The following QTMAN variants were observed in gnomAD, a reference collection of about 807,000 sequenced individuals.
QTMAN encodes the protein queuosine-tRNA mannosyltransferase, also known as tRNA-queuosine alpha-mannosyltransferase.
chr2:144,130,152 C>A, the QTMAN span, among the ~76,000 whole-genome samples: 2 of 151,418 alleles, frequency 1.3e-5, no homozygotes, highest in African/African-American at 4.8e-5. Context: ...CCAGCCACCC[C>A]CACAGGGGAA....
At chr2:144,026,073 A>G in the QTMAN span, among the ~76,000 whole-genome samples, 6 of 152,054 alleles carry the variant, frequency 3.9e-5, no homozygotes, top group Non-Finnish European at 8.8e-5. Context: ...TCTCCTTCCT[A>G]CATTATAATC....
the QTMAN span, among the ~76,000 whole-genome samples, chr2:144,065,023 T>C: frequency 1.3e-5 from 2 of 152,330 alleles, 1 homozygote; most frequent in South Asian, 4.1e-4. Flanking sequence ...AAGAATGCAC[T>C]GACATGATGG....
chr2:144,182,982 A>G, the QTMAN span, among the ~76,000 whole-genome samples: 1 of 141,240 alleles, frequency 7.1e-6, no homozygotes, highest in East Asian at 2.0e-4. Flanking sequence ...TGAAACAATT[A>G]TTAAGCAATA....
the QTMAN span, among the ~76,000 whole-genome samples, chr2:144,303,945 C>G: frequency 6.6e-6 from 1 of 152,084 alleles, no homozygotes; most frequent in Non-Finnish European, 1.5e-5. Context: ...TTTTAGGAAG[C>G]CTGAGGTAGC....
At chr2:144,167,556 G>A in the QTMAN span, among the ~76,000 whole-genome samples, 1 of 152,076 alleles carries the variant, frequency 6.6e-6, no homozygotes, top group Admixed American at 6.6e-5. Context: ...TGCTGTTCTC[G>A]TGATAATGAG....
the QTMAN span, among the ~76,000 whole-genome samples, chr2:144,036,833 T>C: frequency 6.6e-6 from 1 of 152,174 alleles, no homozygotes. Flanking sequence ...TAATCAAAGG[T>C]AGTATGTTCA....
the QTMAN span, among the ~76,000 whole-genome samples, chr2:144,087,308 T>C: frequency 6.6e-6 from 1 of 152,120 alleles, no homozygotes; most frequent in Non-Finnish European, 1.5e-5. Context: ...CAAAATTAGT[T>C]TGTAGTTAAA....
At chr2:144,007,655 T>C in the QTMAN span, 2 of 659,674 alleles carry the variant, frequency 3.0e-6, no homozygotes, top group African/African-American at 1.9e-5. Flanking sequence ...AAAGATGTTA[T>C]ACAAAAATTC....
the QTMAN span, among the ~76,000 whole-genome samples, chr2:144,029,232 C>G: frequency 6.6e-6 from 1 of 152,308 alleles, no homozygotes; most frequent in African/African-American, 2.4e-5. Flanking sequence ...CCCAGAAAGA[C>G]AGTACACCTG....
the QTMAN span, among the ~76,000 whole-genome samples, chr2:143,956,488 G>A: frequency 1.3e-5 from 2 of 152,090 alleles, no homozygotes; most frequent in East Asian, 3.9e-4. Flanking sequence ...TAGGAAAATG[G>A]AGGCCTATTT....
At chr2:144,019,387 C>T in the QTMAN span, among the ~76,000 whole-genome samples, 14 of 147,000 alleles carry the variant, frequency 9.5e-5, no homozygotes, top group African/African-American at 2.5e-4. Flanking sequence ...GATGGATGAG[C>T]GGTGGTTGAG....
the QTMAN span, among the ~76,000 whole-genome samples, chr2:144,217,340 G>A: frequency 6.6e-6 from 1 of 151,822 alleles, no homozygotes; most frequent in Non-Finnish European, 1.5e-5. Flanking sequence ...CTTCACTGCA[G>A]GCACAGGATA....
the QTMAN span, among the ~76,000 whole-genome samples, chr2:144,332,276 AC>A: frequency 6.8e-6 from 1 of 147,672 alleles, no homozygotes; most frequent in Non-Finnish European, 1.5e-5. Flanking sequence ...CCTCCCCCAC[AC>A]CCCCCGCCCC....
chr2:143,975,023 C>G, the QTMAN span, among the ~76,000 whole-genome samples: 5 of 151,686 alleles, frequency 3.3e-5, no homozygotes, highest in Non-Finnish European at 5.9e-5. Context: ...GCTGGGAATT[C>G]ATTCCTCTGC....
the QTMAN span, among the ~76,000 whole-genome samples, chr2:144,079,667 G>A: frequency 2.6e-5 from 4 of 152,018 alleles, no homozygotes; most frequent in African/African-American, 9.7e-5. Context: ...TCTGAAAGGA[G>A]AATGGAGTCT....
chr2:144,067,996 T>C, the QTMAN span, among the ~76,000 whole-genome samples: 2 of 152,196 alleles, frequency 1.3e-5, no homozygotes, highest in African/African-American at 2.4e-5. Context: ...CAGGATAATA[T>C]GCCAAAGAGA....
chr2:144,288,979 C>G, the QTMAN span, among the ~76,000 whole-genome samples: 1 of 148,684 alleles, frequency 6.7e-6, no homozygotes, highest in African/African-American at 2.5e-5. Context: ...CATGAGTAAA[C>G]AGAAGATTCA....
the QTMAN span, among the ~76,000 whole-genome samples, chr2:144,069,630 T>G: frequency 6.6e-6 from 1 of 152,048 alleles, no homozygotes; most frequent in Non-Finnish European, 1.5e-5. Context: ...TTTTCAAGCC[T>G]GAAGAAGCCA....
the QTMAN span, among the ~76,000 whole-genome samples, chr2:144,329,521 C>T: frequency 6.6e-6 from 1 of 152,190 alleles, no homozygotes; most frequent in Non-Finnish European, 1.5e-5. Context: ...CCTATGGTAA[C>T]AGTCAGAGGG....
Sources: allele counts gnomAD v4.1 joint callset (sites outside exome capture counted in the v4.1 genomes callset), GRCh38; gene constraint gnomAD v4.1.1; transcripts MANE v1.5; gene names NCBI Gene and HGNC (gene_info 2026-07-23, HGNC 2026-07-21).